Variants in ABCG2 observed in about 807,000 individuals in gnomAD.
ABCG2 encodes broad substrate specificity ATP-binding cassette transporter ABCG2.
In ABCG2, 80 loss-of-function variants were observed where a neutral mutation model predicts 73.5. The observed-to-expected ratio is 1.09, with a 90% CI of 0.91 to 1.31. The LOEUF (loss-of-function observed/expected upper bound fraction) is 1.31. Among genes scored for constraint, ABCG2 ranks in the 50% most tolerant of loss-of-function variants. The pLI, the probability that ABCG2 is intolerant of heterozygous loss-of-function variation, is 0.00. For synonymous variants in ABCG2, 269 were observed against 282.4 expected, an observed-to-expected ratio of 0.95 and a Z score of 0.48; for missense variants, 796 against 786.2, an observed-to-expected ratio of 1.01 and a Z score of -0.15.
chr4:88,141,591 G>A (rs544289074), intron 1 of ABCG2, among the ~76,000 whole-genome samples: 151 of 152,256 alleles, frequency 9.9e-4, no homozygotes, highest in Non-Finnish European at 1.8e-3. Flanking sequence ...CAATCATGGC[G>A]ATCTGCTCAG....
intron 2 of ABCG2, among the ~76,000 whole-genome samples, chr4:88,135,959 A>G (rs944721985): frequency 1.3e-5 from 2 of 152,176 alleles, no homozygotes; most frequent in African/African-American, 4.8e-5. Flanking sequence ...CACCCTCTCT[A>G]GCCAATTAGA....
intron 1 of ABCG2, among the ~76,000 whole-genome samples, chr4:88,153,934 C>A (rs1483300479): frequency 1.3e-5 from 2 of 152,080 alleles, no homozygotes; most frequent in African/African-American, 4.8e-5. Context: ...GACAGATTTC[C>A]ACGATGGAAA....
rs772386568 is a variant in ABCG2 at position 88,113,463 on chromosome 4, G to C, written c.1034C>G (p.Thr345Arg). 9 of 1,613,930 alleles carry C rather than the reference G, an allele frequency of 5.6e-6. No homozygotes were observed. Among genetic ancestry groups the C allele is most frequent in the Non-Finnish European group, 7.6e-6 (9 of 1,180,026 alleles). Residue 345 changes from threonine (T) to arginine (R), a missense_variant, in exon 9 of 16, where the codon ACA (threonine) becomes AGA (arginine). Physicochemically the swap from Thr to Arg is moderately conservative, Grantham distance 71. Transcript: ENST00000237612. Reference protein sequence around the residue: ...IYVNSSFYKETKAELHQLSGG... With the variant: ...IYVNSSFYKERKAELHQLSGG... ...GGAAAGTTGATGTAATTCAGCTTTT[G>C]TCTCTTTGTAGAAGGAGGAGTTGAC...
intron 1 of ABCG2, among the ~76,000 whole-genome samples, chr4:88,172,735 T>G (rs565269316): frequency 6.6e-6 from 1 of 152,304 alleles, no homozygotes; most frequent in South Asian, 2.1e-4. Context: ...TTATTTCTTC[T>G]TTTTTTAAAC....
At chr4:88,212,477 A>G (rs1033058857) in intron 1 of ABCG2, among the ~76,000 whole-genome samples, 20 of 152,032 alleles carry the variant, frequency 1.3e-4, no homozygotes, top group Non-Finnish European at 2.4e-4. Context: ...GACTACCTTG[A>G]ACTTCTCTCC....
intron 1 of ABCG2, among the ~76,000 whole-genome samples, chr4:88,181,040 C>T (rs575243745): frequency 4.6e-5 from 7 of 152,142 alleles, no homozygotes; most frequent in African/African-American, 1.7e-4. Context: ...TTAAGTGTAG[C>T]ATTTTTATTA....
chr4:88,157,922 C>A (rs1727058801), intron 1 of ABCG2, among the ~76,000 whole-genome samples: 1 of 152,164 alleles, frequency 6.6e-6, no homozygotes, highest in African/African-American at 2.4e-5. Context: ...TTCAATAATT[C>A]TTTAGCAAAC....
chr4:88,227,658 A>T (rs939606919), intron 1 of ABCG2, among the ~76,000 whole-genome samples: 18 of 152,300 alleles, frequency 1.2e-4, no homozygotes, highest in African/African-American at 4.1e-4. Flanking sequence ...CCTAGGTGAC[A>T]TCTAAGCCTG....
At chr4:88,193,531 G>A (rs1399958047) in intron 1 of ABCG2, among the ~76,000 whole-genome samples, 3 of 151,948 alleles carry the variant, frequency 2.0e-5, no homozygotes, top group African/African-American at 7.3e-5. Flanking sequence ...TTATGGTTAT[G>A]TAATTAATTT....
intron 1 of ABCG2, among the ~76,000 whole-genome samples, chr4:88,230,308 T>TATATATATATATATGTATATATATATATA (rs746680651): frequency 1.0e-5 from 1 of 96,236 alleles, no homozygotes; most frequent in African/African-American, 4.3e-5. Flanking sequence ...TATATATATA[T>TATATATATATATATGTATATATATATATA]TTTTTTTTTT....
chr4:88,197,099 A>T (rs1031813943), intron 1 of ABCG2, among the ~76,000 whole-genome samples: 3 of 151,780 alleles, frequency 2.0e-5, no homozygotes, highest in African/African-American at 7.3e-5. Context: ...AGGACTGTAG[A>T]ATATTACCCC....
intron 10 of ABCG2, among the ~76,000 whole-genome samples, chr4:88,106,864 C>T (rs752464287): frequency 8.6e-5 from 13 of 151,992 alleles, no homozygotes; most frequent in Non-Finnish European, 1.2e-4. Context: ...CAACATGGTG[C>T]GACCCCGTCT....
intron 1 of ABCG2, among the ~76,000 whole-genome samples, chr4:88,194,229 C>T (rs1728833775): frequency 6.6e-6 from 1 of 151,970 alleles, no homozygotes; most frequent in Non-Finnish European, 1.5e-5. Context: ...GAATGGAAGT[C>T]GCATATGGCA....
At chr4:88,188,164 G>A (rs1179699951) in intron 1 of ABCG2, among the ~76,000 whole-genome samples, 2 of 152,158 alleles carry the variant, frequency 1.3e-5, no homozygotes, top group Non-Finnish European at 2.9e-5. Flanking sequence ...TACTATATAA[G>A]GTAAGGGTCC....
At chr4:88,165,891 A>G (rs1230410704) in intron 1 of ABCG2, among the ~76,000 whole-genome samples, 4 of 151,590 alleles carry the variant, frequency 2.6e-5, no homozygotes. Flanking sequence ...AAAAAGAGAG[A>G]GAGAAAATCA....
At chr4:88,101,443 G>A (rs1439720903) in intron 10 of ABCG2, 124 bp from the exon 11 acceptor site, 2 of 840,330 alleles carry the variant, frequency 2.4e-6, no homozygotes, top group Admixed American at 2.1e-5. Flanking sequence ...AAGGGAAACT[G>A]TTCTGGTTGG....
At chr4:88,214,764 C>T (rs1024307919) in intron 1 of ABCG2, among the ~76,000 whole-genome samples, 2 of 152,030 alleles carry the variant, frequency 1.3e-5, no homozygotes, top group African/African-American at 2.4e-5. Flanking sequence ...TACATGCCAC[C>T]GCACTCAAAT....
intron 5 of ABCG2, among the ~76,000 whole-genome samples, chr4:88,123,386 A>T (rs1724147969): frequency 6.6e-6 from 1 of 152,126 alleles, no homozygotes; most frequent in Admixed American, 6.6e-5. Context: ...TGCATATTCT[A>T]ACCCAATGCA....
At chr4:88,166,221 A>G (rs570200007) in intron 1 of ABCG2, among the ~76,000 whole-genome samples, 1 of 152,322 alleles carries the variant, frequency 6.6e-6, no homozygotes, top group Admixed American at 6.5e-5. Context: ...GGGGAGCTTC[A>G]CTGCCAGTAA....
Sources: allele counts gnomAD v4.1 joint callset (sites outside exome capture counted in the v4.1 genomes callset), GRCh38; gene constraint gnomAD v4.1.1; transcripts MANE v1.5; gene names NCBI Gene and HGNC (gene_info 2026-07-23, HGNC 2026-07-21).